The following MORC1 variants were observed in gnomAD, a reference collection of about 807,000 sequenced individuals.
MORC1 encodes MORC family CW-type zinc finger protein 1.
MORC1 carries 59 observed loss-of-function variants against 134.9 expected under a neutral mutation model. The observed-to-expected ratio is 0.44, with a 90% confidence interval of 0.35 to 0.54. The LOEUF is 0.54. MORC1 is among the 20% of genes least tolerant of loss of function. The pLI is 0.00. For synonymous variants in MORC1, 395 were observed against 391.7 expected (o/e 1.01, Z -0.10); for missense variants, 947 against 1,134.5 (o/e 0.83, Z 2.37).
At chr3:108,997,391 A>G (rs781756884) in intron 21 of MORC1, among the ~76,000 whole-genome samples, 49 of 151,886 alleles carry the variant, frequency 3.2e-4, no homozygotes, top group Non-Finnish European at 6.3e-4. Context: ...AATTAGCTGG[A>G]TGTGGTGGTG....
intron 23 of MORC1, among the ~76,000 whole-genome samples, chr3:108,982,215 A>G (rs1196073767): frequency 6.6e-6 from 1 of 152,172 alleles, no homozygotes; most frequent in Non-Finnish European, 1.5e-5. Flanking sequence ...ACCATCTCAC[A>G]CCAGTTAGAA....
chr3:109,063,741 T>C (rs1029825308), intron 9 of MORC1, among the ~76,000 whole-genome samples: 4 of 152,164 alleles, frequency 2.6e-5, no homozygotes, highest in Non-Finnish European at 5.9e-5. Flanking sequence ...TCCATTGTTT[T>C]AGTGATGGCA....
intron 17 of MORC1, among the ~76,000 whole-genome samples, chr3:109,024,013 C>A (rs1209947177): frequency 1.3e-5 from 2 of 152,176 alleles, no homozygotes; most frequent in African/African-American, 4.8e-5. Context: ...AGGATCTTGG[C>A]TTGTTGACAT....
At chr3:108,969,249 A>G (rs1192147233) in intron 26 of MORC1, among the ~76,000 whole-genome samples, 1 of 152,162 alleles carries the variant, frequency 6.6e-6, no homozygotes, top group East Asian at 1.9e-4. Flanking sequence ...AATTACTTTT[A>G]TGTCTACTTT....
chr3:109,002,370 C>T (rs540247842), intron 20 of MORC1, among the ~76,000 whole-genome samples: 3 of 152,274 alleles, frequency 2.0e-5, no homozygotes, highest in African/African-American at 7.2e-5. Context: ...GCAGCCTCCT[C>T]CATCAGCCAA....
intron 17 of MORC1, among the ~76,000 whole-genome samples, chr3:109,007,941 A>ATGTGTGTGTGTG (rs113629397): frequency 0.087 from 12,972 of 149,520 alleles, 714 homozygotes; most frequent in Non-Finnish European, 0.13. Context: ...GCACATATAT[A>ATGTGTGTGTGTG]TGTGTGTGTG....
chr3:109,015,486 A>G (rs1948796445), intron 17 of MORC1, among the ~76,000 whole-genome samples: 1 of 152,142 alleles, frequency 6.6e-6, no homozygotes, highest in African/African-American at 2.4e-5. Context: ...TAATTCTATC[A>G]CATGCTACTT....
intron 25 of MORC1, 94 bp from the exon 26 acceptor site, chr3:108,969,816 A>G (rs1947326275): frequency 1.6e-6 from 2 of 1,266,656 alleles, no homozygotes; most frequent in East Asian, 4.7e-5. Context: ...GAGTATAAAA[A>G]GCATCAAAGC....
chr3:109,034,473 C>T (rs1237225030), intron 15 of MORC1, among the ~76,000 whole-genome samples: 1 of 152,142 alleles, frequency 6.6e-6, no homozygotes, highest in Non-Finnish European at 1.5e-5. Flanking sequence ...TCCAATACCT[C>T]CTGCTTGCTT....
At chr3:109,041,764 T>C (rs1949558452) in intron 14 of MORC1, among the ~76,000 whole-genome samples, 2 of 152,108 alleles carry the variant, frequency 1.3e-5, no homozygotes, top group Admixed American at 1.3e-4. Context: ...GGAGAATTGC[T>C]TGAACCAGAA....
intron 14 of MORC1, among the ~76,000 whole-genome samples, chr3:109,036,292 C>CA (rs1328130530): frequency 6.6e-6 from 1 of 151,948 alleles, no homozygotes; most frequent in Admixed American, 6.6e-5. Flanking sequence ...ATATATATAT[C>CA]AAAGAGTATC....
chr3:109,050,409 C>A (rs1276318611), intron 14 of MORC1, among the ~76,000 whole-genome samples: 8 of 152,170 alleles, frequency 5.3e-5, no homozygotes, highest in Non-Finnish European at 1.2e-4. Flanking sequence ...CTGTCTCTCA[C>A]TTGAACATCA....
chr3:109,019,605 G>A (rs150601400), intron 17 of MORC1, among the ~76,000 whole-genome samples: 1 of 152,338 alleles, frequency 6.6e-6, no homozygotes, highest in East Asian at 1.9e-4. Flanking sequence ...TGCGTTGGCT[G>A]AAATCATGGT....
chr3:109,032,882 A>T, intron 15 of MORC1, 57 bp from the exon 16 acceptor site: 5 of 1,142,576 alleles, frequency 4.4e-6, no homozygotes, highest in Non-Finnish European at 6.5e-6. Context: ...CTATCATAGT[A>T]AGATGTCAGT....
intron 20 of MORC1, among the ~76,000 whole-genome samples, chr3:109,001,989 T>G (rs1435177313): frequency 6.6e-6 from 1 of 152,214 alleles, no homozygotes; most frequent in Middle Eastern, 3.2e-3. Flanking sequence ...GTAGTCATTC[T>G]GCCATTTTCC....
intron 3 of MORC1, among the ~76,000 whole-genome samples, chr3:109,110,510 G>A (rs557434408): frequency 9.2e-5 from 14 of 152,228 alleles, no homozygotes; most frequent in Admixed American, 2.6e-4. Context: ...AAATCACTCT[G>A]ATACATTCAC....
chr3:108,998,673 C>T (rs1392961540), intron 21 of MORC1, among the ~76,000 whole-genome samples: 1 of 152,124 alleles, frequency 6.6e-6, no homozygotes, highest in Non-Finnish European at 1.5e-5. Context: ...AAAGTACAGA[C>T]AGACAACTTT....
chr3:109,048,802 T>C lies in MORC1; in HGVS notation c.1330+5926A>G, dbSNP rs145003161. 5.9e-3 allele frequency among the ~76,000 whole-genome samples: 895 copies of C among 152,236 alleles called. 5 individuals carry two copies. Among genetic ancestry groups the C allele is most frequent in the Middle Eastern group, 0.014 (4 of 294 alleles). ...GAATTTCCTCTTCTTATGAGGACAC[T>C]AGTCAGACTGCATTAGGGCCCACCC... On this transcript the variant is annotated intron_variant, in intron 14 of 27. Transcript: ENST00000232603.
rs765293748 is a variant in MORC1, at chr3:108,963,520, T to C, written c.2693A>G (p.His898Arg). Residue 898 changes from histidine to arginine, a missense_variant, in exon 27 of 28, where the codon CAT (histidine) becomes CGT (arginine). By Grantham distance (29) the His-to-Arg change is conservative. This residue lies in a region of MORC1 where 722 missense variants were observed against 817.0 expected (regional missense o/e 0.88). Transcript: ENST00000232603. The stretch of plus-strand genomic sequence containing the variant: ...ACATTGCCCCAGAGAGATTTCATTA[T>C]GTATTCCTCTTGTATTTGAATCATA... ...IIYDSNTRGI[H>R]NEISLGQCEN... 9.3e-6 allele frequency: 15 copies of C among 1,608,506 alleles called. No individual in the cohort carries two copies. Among genetic ancestry groups the C allele is most frequent in the East Asian group, 4.5e-5 (2 of 44,824 alleles).
Sources: allele counts gnomAD v4.1 joint callset (sites outside exome capture counted in the v4.1 genomes callset), GRCh38; gene constraint gnomAD v4.1.1; regional missense constraint gnomAD v4.1.1; transcripts MANE v1.5; gene names NCBI Gene and HGNC (gene_info 2026-07-23, HGNC 2026-07-21).